PRIM2: variants seen among roughly 807,000 people sequenced by gnomAD.
The protein encoded by PRIM2 is DNA primase large subunit.
In PRIM2, 39 loss-of-function variants were observed where a neutral mutation model predicts 67.3. The ratio of observed to expected loss-of-function variants is 0.58; its 90% CI spans 0.45 to 0.76. The LOEUF (loss-of-function observed/expected upper bound fraction) is 0.76, where lower values mean the gene tolerates loss of function less well. Ranked by LOEUF, PRIM2 falls within the 30% of genes least tolerant of loss-of-function variation. The pLI is 0.00. For synonymous variants in PRIM2, 143 were observed against 198.7 expected, an observed-to-expected ratio of 0.72 and a Z score of 2.36; for missense variants, 398 against 598.7, an observed-to-expected ratio of 0.66 and a Z score of 3.50.
rs1299791219 is a variant in PRIM2 at position 57,588,053 on chromosome 6, CTTTA to C, written c.1021-13035_1021-13032del. 7.9e-5 allele frequency among the ~76,000 whole-genome samples: 12 copies of C among 152,072 alleles called. No individual in the cohort carries two copies. The South Asian group carries it at 8.3e-4, about 11-fold the overall frequency. ...GATAATTTTAATAGTTTGCTTAAAT[CTTTA>C]TTTAAGTGGATAGGTTGAAGTGGGC... On this transcript the variant is annotated intron_variant, in intron 10 of 13. Coordinates refer to ENST00000615550, the MANE Select transcript of PRIM2 (RefSeq NM_000947.5).
chr6:57,586,522 A>T (rs1776189837), intron 10 of PRIM2, among the ~76,000 whole-genome samples: 1 of 152,226 alleles, frequency 6.6e-6, no homozygotes, highest in East Asian at 1.9e-4. Context: ...TAAAATTATG[A>T]TGGGAGTGGA....
chr6:57,591,058 GT>G (rs1776274363), intron 10 of PRIM2, among the ~76,000 whole-genome samples: 1 of 152,118 alleles, frequency 6.6e-6, no homozygotes, highest in South Asian at 2.1e-4. Context: ...GTGTTGTTTG[GT>G]TAGAATATGT....
chr6:57,616,344 A>G (rs1189220689), intron 12 of PRIM2, among the ~76,000 whole-genome samples: 1 of 152,182 alleles, frequency 6.6e-6, no homozygotes, highest in Non-Finnish European at 1.5e-5. Flanking sequence ...AGAACCATAG[A>G]ACTAATATAT....
At chr6:57,460,985 A>G (rs1179421912) in intron 7 of PRIM2, among the ~76,000 whole-genome samples, 1 of 152,356 alleles carries the variant, frequency 6.6e-6, no homozygotes, top group East Asian at 1.9e-4. Context: ...AATCAAGGAA[A>G]CTAGAAGTCT....
chr6:57,327,957 A>T (rs539238591), intron 5 of PRIM2, among the ~76,000 whole-genome samples: 119 of 152,280 alleles, frequency 7.8e-4, no homozygotes, highest in South Asian at 3.9e-3. Context: ...AGGAGTGCAC[A>T]TCTTAGATCT....
At chr6:57,224,437 G>A in the PRIM2 span, among the ~76,000 whole-genome samples, 1 of 152,168 alleles carries the variant, frequency 6.6e-6, no homozygotes, top group African/African-American at 2.4e-5. Context: ...GGGAAAGGAA[G>A]GGCAGGTGGG....
At chr6:57,380,131 C>T (rs1317874825) in intron 6 of PRIM2, 135 bp downstream of exon 6, 2 of 664,050 alleles carry the variant, frequency 3.0e-6, no homozygotes, top group Non-Finnish European at 4.9e-6. Context: ...ATACTGTCCT[C>T]ATTGCACTAA....
At chr6:57,632,258 A>T in intron 13 of PRIM2, 57 bp downstream of exon 13, 1 of 1,094,958 alleles carries the variant, frequency 9.1e-7, no homozygotes, top group Non-Finnish European at 1.2e-6. Context: ...ACTGTGTCAC[A>T]TTCAGGGTTT....
At chr6:57,554,293 A>T (rs1414409022) in intron 10 of PRIM2, among the ~76,000 whole-genome samples, 3 of 146,414 alleles carry the variant, frequency 2.0e-5, no homozygotes. Flanking sequence ...ATCATTCCTA[A>T]AGCTTTATGT....
At chr6:57,226,802 A>G in the PRIM2 span, among the ~76,000 whole-genome samples, 1 of 152,212 alleles carries the variant, frequency 6.6e-6, no homozygotes, top group Admixed American at 6.5e-5. Flanking sequence ...TAATCTTGGA[A>G]GTAGAACCTA....
At chr6:57,472,167 C>T (rs1201919987) in intron 7 of PRIM2, among the ~76,000 whole-genome samples, 51,072 of 151,788 alleles carry the variant, frequency 0.34, 8,568 homozygotes, top group East Asian at 0.44. Flanking sequence ...CGGTGGCTCA[C>T]GTTTGTAATC....
chr6:57,450,886 A>T (rs1350829844), intron 7 of PRIM2, among the ~76,000 whole-genome samples: 3 of 152,182 alleles, frequency 2.0e-5, no homozygotes, highest in African/African-American at 7.2e-5. Flanking sequence ...GCATATGTTT[A>T]TAAAAGAATT....
chr6:57,523,875 C>T (rs1401558421), intron 8 of PRIM2, among the ~76,000 whole-genome samples: 1 of 152,274 alleles, frequency 6.6e-6, no homozygotes, highest in African/African-American at 2.4e-5. Flanking sequence ...GTACATTGAA[C>T]AGGACTTAAA....
At chr6:57,517,228 G>A (rs1197316394) in intron 8 of PRIM2, among the ~76,000 whole-genome samples, 1 of 152,028 alleles carries the variant, frequency 6.6e-6, no homozygotes, top group African/African-American at 2.4e-5. Flanking sequence ...TCGCTCTCTG[G>A]TTAAGTTACA....
At chr6:57,374,288 T>TTTATTTATTTAA (rs1166169563) in intron 5 of PRIM2, among the ~76,000 whole-genome samples, 2 of 144,218 alleles carry the variant, frequency 1.4e-5, no homozygotes, top group Admixed American at 6.8e-5. Flanking sequence ...TATTTATTTA[T>TTTATTTATTTAA]TTATTTATTT....
intron 7 of PRIM2, among the ~76,000 whole-genome samples, chr6:57,464,606 G>C (rs1294083737): frequency 1.3e-5 from 2 of 152,088 alleles, no homozygotes; most frequent in Non-Finnish European, 2.9e-5. Flanking sequence ...CTAACTCAGT[G>C]ACTGGAACCT....
chr6:57,497,680 TTGAAAA>T (rs1774035856), intron 7 of PRIM2: 2 of 152,212 alleles, frequency 1.3e-5, no homozygotes. Context: ...AGCTTACATA[TTGAAAA>T]TCATGTTTGC....
the PRIM2 span, among the ~76,000 whole-genome samples, chr6:57,274,039 T>TG: frequency 1.3e-5 from 2 of 152,206 alleles, no homozygotes; most frequent in Admixed American, 1.3e-4. Flanking sequence ...CCGCCCCTAC[T>TG]GGGGGGTGCC....
the PRIM2 span, among the ~76,000 whole-genome samples, chr6:57,275,970 C>T: frequency 6.6e-6 from 1 of 152,150 alleles, no homozygotes; most frequent in Non-Finnish European, 1.5e-5. Flanking sequence ...TATTGTATAG[C>T]AGTGACGAGG....
Sources: allele counts gnomAD v4.1 joint callset (sites outside exome capture counted in the v4.1 genomes callset), GRCh38; gene constraint gnomAD v4.1.1; transcripts MANE v1.5; gene names NCBI Gene and HGNC (gene_info 2026-07-23, HGNC 2026-07-21).